The following NAALADL2 variants were observed in gnomAD, a reference collection of about 807,000 sequenced individuals.
NAALADL2 encodes the protein inactive N-acetylated-alpha-linked acidic dipeptidase-like protein 2.
Under a neutral mutation model 87.2 loss-of-function variants are expected in NAALADL2, and 76 were observed. The ratio of observed to expected loss-of-function variants is 0.87; its 90% CI spans 0.72 to 1.05. NAALADL2 has a LOEUF of 1.05. Among genes scored for constraint, NAALADL2 ranks in the 50% least tolerant of loss-of-function variants. The pLI, the probability that NAALADL2 is intolerant of heterozygous loss-of-function variation, is 0.00. For missense variants in NAALADL2, 1,089 were observed against 945.8 expected, an observed-to-expected ratio of 1.15 and a Z score of -1.99; for synonymous variants, 354 against 331.0, an observed-to-expected ratio of 1.07 and a Z score of -0.75.
chr3:175,360,604 C>T (rs1396979606), intron 5 of NAALADL2, among the ~76,000 whole-genome samples: 3 of 152,006 alleles, frequency 2.0e-5, no homozygotes, highest in African/African-American at 7.2e-5. Flanking sequence ...TTAGCCTATA[C>T]TTGGCTTGTT....
At chr3:174,860,774 A>T (rs1041027557) in intron 1 of NAALADL2, among the ~76,000 whole-genome samples, 1 of 151,978 alleles carries the variant, frequency 6.6e-6, no homozygotes, top group Non-Finnish European at 1.5e-5. Flanking sequence ...ATCATGGGTA[A>T]TATTTTTTTA....
At chr3:175,174,499 G>T (rs1039726176) in intron 2 of NAALADL2, among the ~76,000 whole-genome samples, 2 of 151,672 alleles carry the variant, frequency 1.3e-5, no homozygotes, top group African/African-American at 4.8e-5. Flanking sequence ...ACATGAAAAT[G>T]AAAAAAATTA....
intron 11 of NAALADL2, among the ~76,000 whole-genome samples, chr3:175,707,548 C>A (rs1405397293): frequency 6.6e-6 from 1 of 152,010 alleles, no homozygotes; most frequent in African/African-American, 2.4e-5. Flanking sequence ...GGAAACTAAA[C>A]ATAGGAACAT....
At chr3:175,748,272 G>T (rs1360224489) in intron 12 of NAALADL2, among the ~76,000 whole-genome samples, 27 of 152,048 alleles carry the variant, frequency 1.8e-4, no homozygotes, top group Admixed American at 1.8e-3. Context: ...ATGATTCATT[G>T]TGATTCATAC....
At chr3:174,707,319 C>T (rs996338678) in intron 2 of NAALADL2, among the ~76,000 whole-genome samples, 4 of 152,190 alleles carry the variant, frequency 2.6e-5, no homozygotes, top group Non-Finnish European at 4.4e-5. Flanking sequence ...GGAATATAAA[C>T]CATGCTGCTA....
Position 175,088,894 on chromosome 3 carries a change from T to G in NAALADL2, c.44-7896T>G, listed in dbSNP as rs187683704. 3.2e-3 allele frequency among the ~76,000 whole-genome samples: 484 copies of G among 152,272 alleles called. 4 individuals are homozygous for G. Among genetic ancestry groups the G allele is most frequent in the African/African-American group, 0.011 (462 of 41,566 alleles). On this transcript the variant is annotated intron_variant, in intron 1 of 13. Coordinates refer to ENST00000454872, the MANE Select transcript of NAALADL2 (RefSeq NM_207015.3). ...TTCTTTTTCCAGTGTAAACTACACA[T>G]AGTAGGGAGTGGACAGGATGAGCCA...
At chr3:175,237,909 AG>A (rs1746187622) in intron 3 of NAALADL2, among the ~76,000 whole-genome samples, 2 of 152,178 alleles carry the variant, frequency 1.3e-5, no homozygotes, top group Non-Finnish European at 1.5e-5. Flanking sequence ...CCTATGTCTA[AG>A]GATTTGACTT....
At chr3:174,748,662 G>C (rs542937037) in intron 3 of NAALADL2, among the ~76,000 whole-genome samples, 1 of 152,174 alleles carries the variant, frequency 6.6e-6, no homozygotes, top group South Asian at 2.1e-4. Flanking sequence ...TTCATAAAAT[G>C]TTACGAGAAT....
chr3:174,690,732 C>G (rs1022462358), intron 2 of NAALADL2, among the ~76,000 whole-genome samples: 3 of 152,064 alleles, frequency 2.0e-5, no homozygotes, highest in Admixed American at 2.0e-4. Context: ...GGTAGGAGCA[C>G]TCCACTCCTA....
At chr3:174,648,788 T>G (rs990185907) in intron 2 of NAALADL2, among the ~76,000 whole-genome samples, 1 of 152,190 alleles carries the variant, frequency 6.6e-6, no homozygotes, top group Non-Finnish European at 1.5e-5. Context: ...CTATATTAAA[T>G]GAATAATAAA....
intron 2 of NAALADL2, among the ~76,000 whole-genome samples, chr3:174,690,079 T>A (rs1239067255): frequency 1.3e-5 from 2 of 152,176 alleles, no homozygotes; most frequent in African/African-American, 4.8e-5. Context: ...ATATATGATA[T>A]TAGAAGTCAT....
At chr3:175,764,393 T>C (rs77557406) in intron 13 of NAALADL2, among the ~76,000 whole-genome samples, 5,834 of 151,652 alleles carry the variant, frequency 0.038, 154 homozygotes, top group South Asian at 0.11. Context: ...TATGTGTATA[T>C]ACATGTGCAT....
intron 9 of NAALADL2, among the ~76,000 whole-genome samples, chr3:175,524,092 C>T (rs559897244): frequency 8.5e-5 from 13 of 152,246 alleles, no homozygotes; most frequent in Admixed American, 3.9e-4. Flanking sequence ...ATGGTGCATC[C>T]CACACAGGCT....
rs539116648 is a variant in NAALADL2, at chr3:175,407,114, G to A, written c.1091-40115G>A. ...CAGGAGAATCGCTTGAACCCAGGAGGCAGAGGTTGCAGTGAGCCAAGATCA... is the reference window on the plus strand; with the variant it reads ...CAGGAGAATCGCTTGAACCCAGGAGACAGAGGTTGCAGTGAGCCAAGATCA... On this transcript the variant is annotated intron_variant, in intron 5 of 13. Transcript: ENST00000454872. Among the ~76,000 whole-genome samples the A allele has an allele frequency of 2.6e-5, 4 of 152,174 alleles. No homozygotes were observed. In the East Asian group the frequency reaches 7.7e-4, roughly 29 times the overall value.
intron 2 of NAALADL2, among the ~76,000 whole-genome samples, chr3:175,140,734 T>C (rs1286514324): frequency 1.3e-5 from 2 of 152,134 alleles, no homozygotes; most frequent in African/African-American, 2.4e-5. Context: ...CAAAAGGGAA[T>C]GCCAGCCATG....
intron 11 of NAALADL2, among the ~76,000 whole-genome samples, chr3:175,711,208 G>T (rs1165614029): frequency 1.3e-5 from 2 of 151,790 alleles, no homozygotes; most frequent in African/African-American, 2.4e-5. Flanking sequence ...TTAATTAAGG[G>T]TGCTTGAAAT....
chr3:175,752,408 A>C (rs1434661813), intron 12 of NAALADL2, among the ~76,000 whole-genome samples: 1 of 152,138 alleles, frequency 6.6e-6, no homozygotes, highest in Admixed American at 6.6e-5. Context: ...CCTAAGAAGC[A>C]TAAAAGATGA....
chr3:175,268,869 A>C (rs13081473), intron 4 of NAALADL2, among the ~76,000 whole-genome samples: 37,445 of 151,826 alleles, frequency 0.25, 5,363 homozygotes, highest in South Asian at 0.47. Context: ...GTCATCTCCT[A>C]TGATAACAAT....
At chr3:175,429,225 T>A (rs1023340923) in intron 5 of NAALADL2, among the ~76,000 whole-genome samples, 5 of 148,816 alleles carry the variant, frequency 3.4e-5, no homozygotes, top group African/African-American at 1.2e-4. Context: ...ATATACATAT[T>A]CCTTCTTTAT....
Sources: allele counts gnomAD v4.1 joint callset (sites outside exome capture counted in the v4.1 genomes callset), GRCh38; gene constraint gnomAD v4.1.1; transcripts MANE v1.5; gene names NCBI Gene and HGNC (gene_info 2026-07-23, HGNC 2026-07-21).